The following KIF26B variants were observed in gnomAD, a reference collection of about 807,000 sequenced individuals.
KIF26B encodes kinesin family member 26B.
KIF26B carries 63 observed loss-of-function variants against 151.2 expected under a neutral mutation model. The ratio of observed to expected loss-of-function variants is 0.42; its 90% CI spans 0.34 to 0.51. KIF26B has a LOEUF of 0.51. Ranked by LOEUF, KIF26B falls within the 20% of genes least tolerant of loss-of-function variation. The pLI is 0.07. For synonymous variants in KIF26B, 1,357 were observed against 1,262.1 expected, an observed-to-expected ratio of 1.08 and a Z score of -1.59; for missense variants, 2,813 against 2,913.6, an observed-to-expected ratio of 0.97 and a Z score of 0.79.
Position 245,540,500 on chromosome 1 carries a change from G to T in KIF26B, c.1167-267G>T. 1 of 660,648 alleles carries T rather than the reference G, an allele frequency of 1.5e-6. No homozygotes were observed. Among genetic ancestry groups the T allele is most frequent in the Non-Finnish European group, 2.8e-6 (1 of 359,086 alleles). The allele number at this position is 660,648 out of a possible 1,614,324, so 40.9% of individuals were successfully genotyped here. A position where few individuals can be genotyped will look rare whatever the true frequency, so the allele number is the denominator to read the frequency against. The stretch of plus-strand genomic sequence containing the variant: ...GTTCCTGCTTAAGCTGAATGTTGGT[G>T]GATAACACATCATTCTTTGTAAATC... On this transcript the variant is annotated intron_variant, in intron 4 of 14. Transcript: ENST00000407071. This position sits in a 1 kb window ranked among gnomAD's most constrained non-coding sequence, Gnocchi z 4.6.
At chr1:245,599,202 G>A (rs1361821084) in intron 5 of KIF26B, among the ~76,000 whole-genome samples, 5 of 152,258 alleles carry the variant, frequency 3.3e-5, no homozygotes, top group Non-Finnish European at 5.9e-5. Context: ...TAAGCAGGAA[G>A]TGGAGTGCCG....
intron 2 of KIF26B, among the ~76,000 whole-genome samples, chr1:245,202,418 G>C (rs1284972814): frequency 6.6e-6 from 1 of 152,022 alleles, no homozygotes; most frequent in Non-Finnish European, 1.5e-5. Context: ...GTCTGAGCTT[G>C]GAAAACATTA....
At chr1:245,340,112 TAG>T (rs1672307492) in intron 2 of KIF26B, among the ~76,000 whole-genome samples, 1 of 152,230 alleles carries the variant, frequency 6.6e-6, no homozygotes, top group East Asian at 1.9e-4. Context: ...CCAGCTGAGC[TAG>T]AGTCTCATTG....
At chr1:245,665,514 T>C (rs1327133371) in intron 10 of KIF26B, among the ~76,000 whole-genome samples, 1 of 152,156 alleles carries the variant, frequency 6.6e-6, no homozygotes, top group African/African-American at 2.4e-5. Flanking sequence ...TTTAATCCAA[T>C]TTAAACTTCA....
chr1:245,700,298 T>C (rs1052396313), intron 14 of KIF26B, among the ~76,000 whole-genome samples: 1 of 152,158 alleles, frequency 6.6e-6, no homozygotes, highest in East Asian at 1.9e-4. Context: ...TATAAATCAG[T>C]TCCCGTTGGT....
intron 4 of KIF26B, among the ~76,000 whole-genome samples, chr1:245,539,563 T>A (rs954580056): frequency 6.6e-6 from 1 of 152,180 alleles, no homozygotes; most frequent in Non-Finnish European, 1.5e-5. Flanking sequence ...CATCCAGAAA[T>A]GAGTATATTA....
intron 2 of KIF26B, among the ~76,000 whole-genome samples, chr1:245,338,511 T>C (rs576840262): frequency 3.7e-4 from 57 of 152,356 alleles, no homozygotes; most frequent in African/African-American, 1.1e-3. Flanking sequence ...TGTTGGTTTG[T>C]GCTTATGTAT....
At position 245,166,252 on chromosome 1, in the gene KIF26B, C is replaced by T. The variant is rs781692040; in HGVS notation, c.465+9569C>T. Among the ~76,000 whole-genome samples the T allele has an allele frequency of 6.6e-6, 1 of 152,102 alleles. No homozygotes were observed. Among genetic ancestry groups the T allele is most frequent in the Admixed American group, 6.5e-5 (1 of 15,272 alleles). On this transcript the variant is annotated intron_variant, in intron 2 of 14. Transcript: ENST00000407071. This position sits in a 1 kb window ranked among gnomAD's most constrained non-coding sequence, Gnocchi z 4.5. ...AATTTTATATAAGATTCCTACCCTCCTTCCTTCCCTCCTTCCTTCCCTCTT... is the reference window on the plus strand; with the variant it reads ...AATTTTATATAAGATTCCTACCCTCTTTCCTTCCCTCCTTCCTTCCCTCTT...
At chr1:245,459,190 A>G (rs1659599318) in intron 4 of KIF26B, among the ~76,000 whole-genome samples, 1 of 152,238 alleles carries the variant, frequency 6.6e-6, no homozygotes, top group African/African-American at 2.4e-5. Flanking sequence ...CAGCACTGAC[A>G]CACTAATTAT....
chr1:245,678,634 A>G (rs531118072), intron 10 of KIF26B, among the ~76,000 whole-genome samples: 1 of 151,980 alleles, frequency 6.6e-6, no homozygotes, highest in Non-Finnish European at 1.5e-5. Context: ...GAGGCCAAGG[A>G]GGGAGGATCA....
intron 2 of KIF26B, among the ~76,000 whole-genome samples, chr1:245,272,095 G>A (rs1670864517): frequency 6.6e-6 from 1 of 152,080 alleles, no homozygotes. Context: ...TATATCTCTA[G>A]GAATTTATCC....
At chr1:245,208,262 T>C (rs1669445698) in intron 2 of KIF26B, among the ~76,000 whole-genome samples, 1 of 152,168 alleles carries the variant, frequency 6.6e-6, no homozygotes, top group Non-Finnish European at 1.5e-5. Context: ...ATTAATGAGG[T>C]GCTCCAAACA....
chr1:245,263,357 A>G (rs4658734), intron 2 of KIF26B, among the ~76,000 whole-genome samples: 92,590 of 152,090 alleles, frequency 0.61, 29,596 homozygotes, highest in African/African-American at 0.8. Flanking sequence ...CTCCTTCATC[A>G]GTGCTGTATC....
At chr1:245,255,878 C>G (rs1293144446) in intron 2 of KIF26B, among the ~76,000 whole-genome samples, 1 of 152,138 alleles carries the variant, frequency 6.6e-6, no homozygotes, top group Non-Finnish European at 1.5e-5. Flanking sequence ...AATTGTTAGA[C>G]ATGGTTCTTC....
intron 3 of KIF26B, among the ~76,000 whole-genome samples, chr1:245,394,484 G>A (rs1173834): frequency 0.42 from 63,157 of 151,834 alleles, 15,188 homozygotes; most frequent in South Asian, 0.63. Flanking sequence ...TTAACCAGGC[G>A]TGGTGGCACA....
chr1:245,222,962 CTT>C (rs1399161335), intron 2 of KIF26B, among the ~76,000 whole-genome samples: 1 of 152,186 alleles, frequency 6.6e-6, no homozygotes, highest in Non-Finnish European at 1.5e-5. Flanking sequence ...CCCTTTCACA[CTT>C]TGTTATGTTT....
chr1:245,504,449 T>C (rs923900071), intron 4 of KIF26B, among the ~76,000 whole-genome samples: 5 of 150,834 alleles, frequency 3.3e-5, no homozygotes, highest in Non-Finnish European at 7.4e-5. Context: ...TTCTTTTTTT[T>C]TGATACAGGG....
chr1:245,361,608 C>A (rs923771168), intron 2 of KIF26B, among the ~76,000 whole-genome samples: 2 of 152,156 alleles, frequency 1.3e-5, no homozygotes, highest in Non-Finnish European at 2.9e-5. Context: ...GAAGTTTCTA[C>A]CTGAGTTTCA....
At chr1:245,544,412 G>C (rs1661692690) in intron 5 of KIF26B, among the ~76,000 whole-genome samples, 2 of 152,150 alleles carry the variant, frequency 1.3e-5, no homozygotes, top group Non-Finnish European at 2.9e-5. Context: ...CTGAAGGTGA[G>C]AGTGTTGTCA....
Sources: allele counts gnomAD v4.1 joint callset (sites outside exome capture counted in the v4.1 genomes callset), GRCh38; gene constraint gnomAD v4.1.1; non-coding constraint Gnocchi (gnomAD v3.1); transcripts MANE v1.5; gene names NCBI Gene and HGNC (gene_info 2026-07-23, HGNC 2026-07-21).